Variants in EPHB1 observed in about 807,000 individuals in gnomAD.
The protein encoded by EPHB1 is ephrin type-B receptor 1.
A neutral mutation model predicts 94.4 loss-of-function variants in EPHB1; 30 were observed. The observed-to-expected ratio is 0.32, with a 90% CI of 0.24 to 0.43. The LOEUF (loss-of-function observed/expected upper bound fraction) is 0.43. EPHB1 is among the 20% of genes least tolerant of loss of function. The pLI, the probability that EPHB1 is intolerant of heterozygous loss-of-function variation, is 1.00. For synonymous variants in EPHB1, 522 were observed against 489.1 expected (o/e 1.07, Z -0.89); for missense variants, 1,055 against 1,308.3 (o/e 0.81, Z 2.99).
Position 135,061,441 on chromosome 3 carries a change from A to G in EPHB1, c.806-45007A>G, listed in dbSNP as rs556425943. 4.4e-5 allele frequency among the ~76,000 whole-genome samples: 6 copies of G among 135,660 alleles called. No homozygotes were observed. The South Asian group carries it at 1.4e-3, about 31-fold the overall frequency. The allele number at this position is 135,660 out of a possible 152,430, so 89.0% of individuals were successfully genotyped here. A position where few individuals can be genotyped will look rare whatever the true frequency, so the allele number is the denominator to read the frequency against. ...TTTGCATCCTCATGGCTTAGCTCCC[A>G]CTTATGAGTGAGAACATACAATGTT... On this transcript the variant is annotated intron_variant, in intron 3 of 15. Coordinates refer to ENST00000398015, the MANE Select transcript of EPHB1 (RefSeq NM_004441.5).
chr3:134,840,456 C>T (rs1405951899), intron 1 of EPHB1: 2 of 152,106 alleles, frequency 1.3e-5, no homozygotes, highest in African/African-American at 4.8e-5. Context: ...TCTTTTACAG[C>T]TCTGTATCGG....
intron 1 of EPHB1, among the ~76,000 whole-genome samples, chr3:134,850,846 CCAGGAG>C (rs2036966113): frequency 6.6e-6 from 1 of 152,224 alleles, no homozygotes; most frequent in Non-Finnish European, 1.5e-5. Flanking sequence ...GACAGTGTCC[CCAGGAG>C]CAGGGTCAGC....
At chr3:135,011,761 A>G (rs770171279) in intron 3 of EPHB1, among the ~76,000 whole-genome samples, 2 of 152,200 alleles carry the variant, frequency 1.3e-5, no homozygotes, top group Non-Finnish European at 1.5e-5. Flanking sequence ...GAGAAACCCA[A>G]ATCTGGGCCA....
At chr3:135,153,967 G>A (rs1467270620) in intron 5 of EPHB1, among the ~76,000 whole-genome samples, 185 bp from the exon 6 acceptor site, 1 of 152,098 alleles carries the variant, frequency 6.6e-6, no homozygotes, top group African/African-American at 2.4e-5. Context: ...TCTCTCCTCT[G>A]TTATCCAATC....
At chr3:135,110,263 TTTC>T (rs1473734874) in intron 4 of EPHB1, among the ~76,000 whole-genome samples, 1 of 152,236 alleles carries the variant, frequency 6.6e-6, no homozygotes, top group Non-Finnish European at 1.5e-5. Flanking sequence ...GTTTCTTTTA[TTTC>T]TTCTTCAAAT....
In EPHB1 at chr3:135,182,986, C is replaced by CTTTCTTTTCTTTTCTTTTCTTTTCT. The variant is rs755058104; in HGVS notation, c.1882+3027_1882+3051dup. ...TTCTTTTCTCTTTTCTTTTCTTTTG[C>CTTTCTTTTCTTTTCTTTTCTTTTCT]TTTCTTTTCTTTTCTTTTCTTTTCT... On this transcript the variant is annotated intron_variant, in intron 10 of 15. Coordinates refer to ENST00000398015, the MANE Select transcript of EPHB1 (RefSeq NM_004441.5). Among the ~76,000 whole-genome samples, 120 of 110,612 alleles carry CTTTCTTTTCTTTTCTTTTCTTTTCT rather than the reference C, an allele frequency of 1.1e-3. 2 individuals are homozygous for CTTTCTTTTCTTTTCTTTTCTTTTCT. Among genetic ancestry groups the CTTTCTTTTCTTTTCTTTTCTTTTCT allele is most frequent in the Admixed American group, 2.1e-3 (21 of 9,892 alleles). The allele number at this position is 110,612 out of a possible 152,430, so 72.6% of individuals were successfully genotyped here.
intron 1 of EPHB1, among the ~76,000 whole-genome samples, chr3:134,916,156 C>A (rs890739551): frequency 1.3e-4 from 20 of 151,758 alleles, no homozygotes; most frequent in African/African-American, 4.6e-4. Flanking sequence ...AAACCCTGAG[C>A]CAGACACAGG....
intron 1 of EPHB1, among the ~76,000 whole-genome samples, chr3:134,860,195 A>ACACACACACACACT (rs2037224032): frequency 1.3e-5 from 2 of 150,472 alleles, no homozygotes; most frequent in East Asian, 2.0e-4. Flanking sequence ...ACACACACAC[A>ACACACACACACACT]CTCTGGGAAA....
chr3:135,256,479 G>A (rs1019820349), intron 15 of EPHB1, among the ~76,000 whole-genome samples: 1 of 152,082 alleles, frequency 6.6e-6, no homozygotes, highest in Non-Finnish European at 1.5e-5. Context: ...CCCTTATGAA[G>A]CTTAGTTTGG....
intron 3 of EPHB1, among the ~76,000 whole-genome samples, chr3:134,970,722 G>A (rs116777454): frequency 2.0e-5 from 3 of 152,260 alleles, no homozygotes; most frequent in Admixed American, 1.3e-4. Flanking sequence ...ACAGTGCAGG[G>A]ACAGTTGCTG....
chr3:135,234,013 A>G (rs1266032984), intron 12 of EPHB1, among the ~76,000 whole-genome samples: 1 of 152,098 alleles, frequency 6.6e-6, no homozygotes, highest in African/African-American at 2.4e-5. Flanking sequence ...GATGGGAGGG[A>G]CTGTGGTGAA....
intron 4 of EPHB1, among the ~76,000 whole-genome samples, chr3:135,119,388 A>G (rs193029569): frequency 9.6e-4 from 146 of 152,172 alleles, no homozygotes; most frequent in African/African-American, 3.2e-3. Context: ...TACATTTTAT[A>G]TATGTCCTTC....
intron 3 of EPHB1, among the ~76,000 whole-genome samples, chr3:135,003,110 C>G (rs1400482934): frequency 6.6e-6 from 1 of 151,570 alleles, no homozygotes; most frequent in Non-Finnish European, 1.5e-5. Flanking sequence ...CTATAAATTT[C>G]CCTCTACACA....
chr3:135,037,121 A>G (rs1467729535), intron 3 of EPHB1, among the ~76,000 whole-genome samples: 1 of 152,236 alleles, frequency 6.6e-6, no homozygotes, highest in Non-Finnish European at 1.5e-5. Flanking sequence ...GAATTAGCAC[A>G]TGCTGAAGAG....
chr3:134,850,788 A>C (rs1372130724), intron 1 of EPHB1, among the ~76,000 whole-genome samples: 1 of 152,202 alleles, frequency 6.6e-6, no homozygotes, highest in East Asian at 1.9e-4. Flanking sequence ...TTCACTCTCC[A>C]TACCCTGGGA....
At chr3:134,904,138 G>A (rs2038264041) in intron 1 of EPHB1, among the ~76,000 whole-genome samples, 1 of 152,186 alleles carries the variant, frequency 6.6e-6, no homozygotes, top group Non-Finnish European at 1.5e-5. Context: ...CCAGGTGGGA[G>A]AAGAGGTAGC....
intron 1 of EPHB1, among the ~76,000 whole-genome samples, chr3:134,837,655 T>C (rs1183265018): frequency 6.6e-6 from 1 of 152,222 alleles, no homozygotes; most frequent in East Asian, 1.9e-4. Flanking sequence ...CTTTAGGCCT[T>C]GCTTTCTTGC....
At chr3:134,882,767 T>TTTC (rs2037771240) in intron 1 of EPHB1, among the ~76,000 whole-genome samples, 1 of 39,820 alleles carries the variant, frequency 2.5e-5, no homozygotes, top group Non-Finnish European at 6.3e-5. Context: ...CCTTCCTTCC[T>TTTC]TTCTTTCTTT....
chr3:134,958,413 AGTGTGTGTGTGTGT>A (rs3067407), intron 3 of EPHB1, among the ~76,000 whole-genome samples: 1 of 97,668 alleles, frequency 1.0e-5, no homozygotes, highest in Non-Finnish European at 2.3e-5. Context: ...AACACAAGGG[AGTGTGTGTGTGTGT>A]GTGTGTGTGT....
Sources: gnomAD v4.1 joint callset for allele counts (sites outside exome capture counted in the v4.1 genomes callset) on GRCh38, gnomAD v4.1.1 for gene constraint, MANE v1.5 for transcripts, NCBI Gene and HGNC (gene_info 2026-07-23, HGNC 2026-07-21) for gene names.